RANBP10: variants seen among roughly 807,000 people sequenced by gnomAD.
RANBP10 encodes ran-binding protein 10.
In RANBP10, 24 loss-of-function variants were observed where a neutral mutation model predicts 72.8. The observed-to-expected ratio is 0.33, with a 90% CI of 0.24 to 0.46. The LOEUF (loss-of-function observed/expected upper bound fraction) is 0.46. RANBP10 is among the 20% of genes least tolerant of loss of function. The probability of loss-of-function intolerance (pLI) is 1.00; values close to 1 mark genes in which losing one functional copy is unlikely to be tolerated. For missense variants in RANBP10, 679 were observed against 817.5 expected (o/e 0.83, Z 2.07); for synonymous variants, 310 against 322.3 (o/e 0.96, Z 0.41).
Position 67,806,330 on chromosome 16 carries a change from G to A in RANBP10, c.207C>T (p.Ser69=), listed in dbSNP as rs775265080. ...PKDKYNYIGL[S]QGNLRVHYKG... Reference sequence around the variant, plus strand: ...TGTAGTGGACGCGGAGGTTGCCCTGGGAGAGACCAATGTAGTTGTATTTGT... The same window carrying A: ...TGTAGTGGACGCGGAGGTTGCCCTGAGAGAGACCAATGTAGTTGTATTTGT... The change falls in exon 1 of 14, where the codon TCC becomes TCT. Residue 69 remains serine, a synonymous_variant. Coordinates refer to ENST00000317506, the MANE Select transcript of RANBP10 (RefSeq NM_020850.3). 1 of 1,613,252 alleles carries A rather than the reference G, an allele frequency of 6.2e-7. No homozygotes were observed. Among genetic ancestry groups the A allele is most frequent in the African/African-American group, 1.3e-5 (1 of 74,918 alleles).
intron 2 of RANBP10, among the ~76,000 whole-genome samples, chr16:67,779,962 G>T (rs776495965): frequency 2.0e-5 from 3 of 152,140 alleles, no homozygotes; most frequent in African/African-American, 7.2e-5. Context: ...GGCCAGGCAC[G>T]GTGGCTCACG....
chr16:67,767,879 A>G (rs1348755208), intron 3 of RANBP10, among the ~76,000 whole-genome samples: 1 of 151,582 alleles, frequency 6.6e-6, no homozygotes, highest in African/African-American at 2.4e-5. Context: ...TACAGGCATG[A>G]GCCACCGCGC....
At chr16:67,791,566 C>A (rs1486910460) in intron 2 of RANBP10, among the ~76,000 whole-genome samples, 1 of 152,116 alleles carries the variant, frequency 6.6e-6, no homozygotes, top group Non-Finnish European at 1.5e-5. Flanking sequence ...AGCTCTGCCA[C>A]CTACCCTCAG....
In RANBP10 at chr16:67,735,058, A is replaced by T. The variant is rs1298033371; in HGVS notation, c.592-16T>A. Reference sequence around the variant, plus strand: ...AGAGGTTGGCCTGAGGAGGAGAATGAAATGTCAGTCAGGCCCTGAGGGCAG... The same window carrying T: ...AGAGGTTGGCCTGAGGAGGAGAATGTAATGTCAGTCAGGCCCTGAGGGCAG... On this transcript the variant is annotated splice_polypyrimidine_tract_variant and intron_variant, in intron 5 of 13. Transcript: ENST00000317506. The T allele has an allele frequency of 6.3e-7, 1 of 1,574,872 alleles. No individual in the cohort carries two copies. Among genetic ancestry groups the T allele is most frequent in the South Asian group, 1.2e-5 (1 of 86,520 alleles).
At chr16:67,755,271 C>G (rs1223378058) in intron 3 of RANBP10, among the ~76,000 whole-genome samples, 4 of 152,154 alleles carry the variant, frequency 2.6e-5, no homozygotes, top group Admixed American at 6.5e-5. Context: ...TCTAAACATG[C>G]ACCCCTCCCT....
chr16:67,765,354 C>T (rs2054480961), intron 3 of RANBP10, among the ~76,000 whole-genome samples: 1 of 151,818 alleles, frequency 6.6e-6, no homozygotes, highest in South Asian at 2.1e-4. Flanking sequence ...TGGAGAAACC[C>T]TGTCTTTACT....
chr16:67,764,471 A>T (rs554789664), intron 3 of RANBP10, among the ~76,000 whole-genome samples: 1 of 152,324 alleles, frequency 6.6e-6, no homozygotes, highest in South Asian at 2.1e-4. Flanking sequence ...AAATAGTAAT[A>T]AAATGGCCAT....
At chr16:67,763,694 ATTAT>A (rs1038510377) in intron 3 of RANBP10, among the ~76,000 whole-genome samples, 2 of 151,842 alleles carry the variant, frequency 1.3e-5, no homozygotes, top group African/African-American at 2.4e-5. Context: ...CAGGTATCTG[ATTAT>A]TTGTTTGTTT....
At chr16:67,728,598 G>T in intron 10 of RANBP10, 87 bp from the exon 11 acceptor site, 2 of 1,601,686 alleles carry the variant, frequency 1.2e-6, no homozygotes, top group Non-Finnish European at 1.7e-6. Flanking sequence ...GTAGCCATGG[G>T]TTGCTGTGGG....
intron 3 of RANBP10, among the ~76,000 whole-genome samples, chr16:67,759,043 T>C (rs2054344581): frequency 6.6e-6 from 1 of 152,168 alleles, no homozygotes; most frequent in African/African-American, 2.4e-5. Context: ...TGAAACAAGC[T>C]TCTCAGCATG....
At chr16:67,738,129 GT>G in intron 4 of RANBP10, 94 bp from the exon 5 acceptor site, 46 of 1,339,482 alleles carry the variant, frequency 3.4e-5, no homozygotes, top group Admixed American at 8.5e-5. Context: ...CCGGGTAGTT[GT>G]TTTTTTTGGT....
chr16:67,768,046 C>CAA (rs2054537069), intron 3 of RANBP10, among the ~76,000 whole-genome samples: 1 of 141,440 alleles, frequency 7.1e-6, no homozygotes, highest in African/African-American at 2.7e-5. Context: ...GCCTGGGCAA[C>CAA]AGGGCAAGAC....
intron 4 of RANBP10, chr16:67,738,667 TG>T: frequency 6.6e-6 from 1 of 152,444 alleles, no homozygotes. Flanking sequence ...TTAGCCAGGA[TG>T]GTCTCGATCT....
intron 2 of RANBP10, 96 bp from the exon 3 acceptor site, chr16:67,772,182 T>C: frequency 1.5e-6 from 2 of 1,345,146 alleles, no homozygotes; most frequent in South Asian, 2.6e-5. Flanking sequence ...GACAGAAAAA[T>C]GAGAAAAGCA....
chr16:67,755,462 T>A (rs1394962689), intron 3 of RANBP10, among the ~76,000 whole-genome samples: 1 of 151,938 alleles, frequency 6.6e-6, no homozygotes, highest in Admixed American at 6.6e-5. Flanking sequence ...GGTGGGTGGA[T>A]CACCTGAGGT....
At chr16:67,775,455 G>C (rs2143013619) in intron 2 of RANBP10, among the ~76,000 whole-genome samples, 2 of 152,158 alleles carry the variant, frequency 1.3e-5, no homozygotes, top group Non-Finnish European at 2.9e-5. Flanking sequence ...ACAAGAAAAA[G>C]GAATGAAAGG....
chr16:67,791,575 A>G (rs567493944), intron 2 of RANBP10, among the ~76,000 whole-genome samples: 2 of 152,274 alleles, frequency 1.3e-5, no homozygotes, highest in Admixed American at 1.3e-4. Flanking sequence ...ACCTACCCTC[A>G]GGTGAAAGGG....
intron 2 of RANBP10, among the ~76,000 whole-genome samples, chr16:67,795,941 G>A (rs1230051142): frequency 6.7e-5 from 9 of 134,940 alleles, no homozygotes; most frequent in Non-Finnish European, 1.3e-4. Flanking sequence ...TTTGGAGACA[G>A]AGCCTTACTC....
At chr16:67,768,156 G>A (rs2054539771) in intron 3 of RANBP10, among the ~76,000 whole-genome samples, 1 of 151,874 alleles carries the variant, frequency 6.6e-6, no homozygotes, top group Non-Finnish European at 1.5e-5. Flanking sequence ...TTGGGAGGCC[G>A]AGATGAGTGG....
Sources: gnomAD v4.1 joint callset for allele counts (sites outside exome capture counted in the v4.1 genomes callset) on GRCh38, gnomAD v4.1.1 for gene constraint, MANE v1.5 for transcripts, NCBI Gene and HGNC (gene_info 2026-07-23, HGNC 2026-07-21) for gene names.